Variants in EPB41 observed in about 807,000 individuals in gnomAD.
The protein encoded by EPB41 is protein 4.1.
EPB41 carries 65 observed loss-of-function variants against 108.0 expected under a neutral mutation model. The ratio of observed to expected loss-of-function variants is 0.60; its 90% CI spans 0.49 to 0.74. The LOEUF (loss-of-function observed/expected upper bound fraction) is 0.74. Ranked by LOEUF, EPB41 falls within the 30% of genes least tolerant of loss-of-function variation. The pLI is 0.00. For synonymous variants in EPB41, 336 were observed against 358.9 expected, an observed-to-expected ratio of 0.94 and a Z score of 0.72; for missense variants, 875 against 1,037.0, an observed-to-expected ratio of 0.84 and a Z score of 2.15.
intron 16 of EPB41, among the ~76,000 whole-genome samples, chr1:29,086,878 A>G (rs537204959): frequency 4.3e-4 from 65 of 151,768 alleles, no homozygotes; most frequent in South Asian, 1.2e-3. Flanking sequence ...AAAAATTTTC[A>G]GGATATATTT....
intron 1 of EPB41, among the ~76,000 whole-genome samples, chr1:28,896,641 A>T (rs1233872412): frequency 6.6e-6 from 1 of 152,246 alleles, no homozygotes; most frequent in Admixed American, 6.5e-5. Flanking sequence ...AAGGTACACA[A>T]CTGCCTGCAC....
intron 2 of EPB41, among the ~76,000 whole-genome samples, chr1:28,990,333 TTCCCTCCC>T (rs1553220088): frequency 9.4e-5 from 12 of 127,184 alleles, no homozygotes; most frequent in Admixed American, 1.6e-4. Flanking sequence ...CCTTCCTTCC[TTCCCTCCC>T]TCCCTCCCTC....
chr1:29,030,466 A>C lies in EPB41; in HGVS notation c.1191A>C (p.Gly397=), dbSNP rs753862904. Residue 397 remains glycine (G), a synonymous_variant, in exon 8 of 21, where the codon GGA becomes GGC. Transcript: ENST00000343067. The part of the protein sequence containing the change: ...LENAKKLSMY[G]VDLHKAKDLE... ...ATGCCAAAAAGTTGTCTATGTATGG[A>C]GTTGATCTTCATAAAGCAAAGGTAA... 1 of 1,614,016 alleles carries C rather than the reference A, an allele frequency of 6.2e-7. No homozygotes were observed. The highest frequency in any genetic ancestry group is 8.5e-7 in the Non-Finnish European group (1 of 1,179,906).
chr1:29,068,229 A>T (rs1439006835), intron 16 of EPB41, among the ~76,000 whole-genome samples: 1 of 152,218 alleles, frequency 6.6e-6, no homozygotes, highest in South Asian at 2.1e-4. Context: ...AGTTAACCCT[A>T]TCTGCAAACT....
chr1:29,011,676 C>T (rs542810157), intron 4 of EPB41, among the ~76,000 whole-genome samples, 189 bp from the exon 5 acceptor site: 1 of 152,298 alleles, frequency 6.6e-6, no homozygotes, highest in South Asian at 2.1e-4. Context: ...TAATATTCAA[C>T]CCAAATGTCA....
At chr1:28,976,803 A>G (rs570742279) in intron 1 of EPB41, among the ~76,000 whole-genome samples, 3 of 152,050 alleles carry the variant, frequency 2.0e-5, no homozygotes, top group African/African-American at 4.8e-5. Flanking sequence ...CCCTTTGCCC[A>G]TTGCACTTCA....
chr1:28,927,444 T>A (rs1201393252), intron 1 of EPB41, among the ~76,000 whole-genome samples: 1 of 152,206 alleles, frequency 6.6e-6, no homozygotes, highest in Non-Finnish European at 1.5e-5. Context: ...TATCATTATA[T>A]TTGGACTTCC....
intron 1 of EPB41, among the ~76,000 whole-genome samples, chr1:28,956,916 T>C (rs1245955433): frequency 6.6e-6 from 1 of 152,224 alleles, no homozygotes. Flanking sequence ...AAGAAATCAC[T>C]GAGTGCTAGA....
At chr1:29,106,372 T>G (rs1381283831) in intron 17 of EPB41, among the ~76,000 whole-genome samples, 1 of 152,094 alleles carries the variant, frequency 6.6e-6, no homozygotes, top group African/African-American at 2.4e-5. Flanking sequence ...CTAATTTTAT[T>G]TGTATAATTT....
chr1:29,058,179 A>T (rs1352754482), intron 12 of EPB41, among the ~76,000 whole-genome samples: 3 of 152,100 alleles, frequency 2.0e-5, no homozygotes, highest in Non-Finnish European at 4.4e-5. Context: ...TTCATATGTA[A>T]ATTTGTTTTT....
chr1:28,953,156 T>A (rs1166695304), intron 1 of EPB41, among the ~76,000 whole-genome samples: 1 of 152,198 alleles, frequency 6.6e-6, no homozygotes, highest in Non-Finnish European at 1.5e-5. Flanking sequence ...CTCTTAAGTT[T>A]CTTTCAGTCC....
Position 29,000,253 on chromosome 1 carries a change from C to T in EPB41, c.786+2934C>T, listed in dbSNP as rs148934207. 3.3e-5 allele frequency among the ~76,000 whole-genome samples: 5 copies of T among 152,254 alleles called. No homozygotes were observed. The East Asian group carries it at 9.7e-4, about 29-fold the overall frequency. ...AGCTGGGATTACAGGCATGCATCAC[C>T]ATGCCTGTCTAATTTTTTGTATTTT... On this transcript the variant is annotated intron_variant, in intron 4 of 20. Transcript: ENST00000343067.
chr1:28,980,364 T>A (rs1044354804), intron 1 of EPB41, among the ~76,000 whole-genome samples: 1 of 151,504 alleles, frequency 6.6e-6, no homozygotes, highest in Admixed American at 6.6e-5. Context: ...AAAATACATT[T>A]AAAAAATTTA....
At chr1:29,024,658 A>G (rs1335557278) in intron 7 of EPB41, among the ~76,000 whole-genome samples, 1 of 151,542 alleles carries the variant, frequency 6.6e-6, no homozygotes, top group Non-Finnish European at 1.5e-5. Context: ...AAAAATATAA[A>G]TAAATATAAA....
intron 1 of EPB41, among the ~76,000 whole-genome samples, chr1:28,970,931 T>G (rs1364770479): frequency 6.6e-6 from 1 of 152,050 alleles, no homozygotes; most frequent in African/African-American, 2.4e-5. Flanking sequence ...CACTGCAGCC[T>G]CCACCTCCCA....
chr1:29,109,690 T>C (rs372394357), intron 18 of EPB41: 17 of 513,042 alleles, frequency 3.3e-5, no homozygotes, highest in African/African-American at 3.1e-4. Context: ...TCTTTACACA[T>C]CTGTCTCTCT....
At chr1:28,916,344 A>C (rs2092668688) in intron 1 of EPB41, among the ~76,000 whole-genome samples, 1 of 152,234 alleles carries the variant, frequency 6.6e-6, no homozygotes, top group Non-Finnish European at 1.5e-5. Context: ...GCACTATTAA[A>C]AGTGAACTAT....
rs1671416236 is a variant in EPB41, at chr1:29,118,907, T to A, written c.*2095T>A. On this transcript the variant is annotated 3_prime_UTR_variant, in exon 21 of 21. Coordinates refer to ENST00000343067, the MANE Select transcript of EPB41 (RefSeq NM_001376013.1). ...GCATGCCCACTGCCTGATGGCCAGATGGCCTGTAGGAAGAGCTACCAGGGC... is the reference window on the plus strand; with the variant it reads ...GCATGCCCACTGCCTGATGGCCAGAAGGCCTGTAGGAAGAGCTACCAGGGC... 6.6e-6 allele frequency: 1 copy of A among 152,264 alleles called. No individual in the cohort carries two copies. Among genetic ancestry groups the A allele is most frequent in the African/African-American group, 2.4e-5 (1 of 41,450 alleles). The allele number at this position is 152,264 out of a possible 1,614,324, so 9.4% of individuals were successfully genotyped here.
intron 1 of EPB41, among the ~76,000 whole-genome samples, chr1:28,944,783 C>A (rs1028100830): frequency 1.9e-4 from 29 of 151,610 alleles, no homozygotes; most frequent in Admixed American, 9.8e-4. Flanking sequence ...GATCCACCTG[C>A]CTCAGCCTCC....
Sources: gnomAD v4.1 joint callset for allele counts (sites outside exome capture counted in the v4.1 genomes callset) on GRCh38, gnomAD v4.1.1 for gene constraint, MANE v1.5 for transcripts, NCBI Gene and HGNC (gene_info 2026-07-23, HGNC 2026-07-21) for gene names.